Variants in SEMA5B observed in about 807,000 individuals in gnomAD.
SEMA5B encodes the protein semaphorin-5B.
SEMA5B carries 66 observed loss-of-function variants against 135.0 expected under a neutral mutation model. That is an observed-to-expected ratio of 0.49 (90% CI 0.40 to 0.60). SEMA5B has a LOEUF of 0.60. SEMA5B is among the 20% of genes least tolerant of loss of function. The pLI is 0.00. For synonymous variants in SEMA5B, 690 were observed against 639.5 expected (o/e 1.08, Z -1.19); for missense variants, 1,501 against 1,566.3 (o/e 0.96, Z 0.70).
At chr3:122,910,541 G>A (rs1489202170) in intron 22 of SEMA5B, among the ~76,000 whole-genome samples, 1 of 152,126 alleles carries the variant, frequency 6.6e-6, no homozygotes, top group East Asian at 1.9e-4. Flanking sequence ...CGGGCGCGGT[G>A]GCTCACGCCT....
At chr3:122,979,349 C>T (rs1941444759) in intron 1 of SEMA5B, among the ~76,000 whole-genome samples, 1 of 152,206 alleles carries the variant, frequency 6.6e-6, no homozygotes, top group African/African-American at 2.4e-5. Context: ...GACTGCAGAG[C>T]TGGCCAAGCA....
chr3:122,949,613 C>A (rs1576359294), intron 2 of SEMA5B, among the ~76,000 whole-genome samples: 1 of 152,298 alleles, frequency 6.6e-6, no homozygotes, highest in East Asian at 1.9e-4. Flanking sequence ...AACAAATTAG[C>A]CACATTATAA....
chr3:122,989,276 G>A (rs538496242), intron 1 of SEMA5B, among the ~76,000 whole-genome samples: 18 of 152,314 alleles, frequency 1.2e-4, no homozygotes, highest in South Asian at 2.1e-4. Flanking sequence ...CCCAGCAGCC[G>A]CACAGAGGCT....
At chr3:122,995,885 T>C (rs1280998072) in intron 1 of SEMA5B, among the ~76,000 whole-genome samples, 1 of 152,226 alleles carries the variant, frequency 6.6e-6, no homozygotes, top group Non-Finnish European at 1.5e-5. Flanking sequence ...TCAAGTGACA[T>C]CTTACCTAAA....
At chr3:122,951,704 C>T (rs1323440039) in intron 2 of SEMA5B, among the ~76,000 whole-genome samples, 17 of 152,238 alleles carry the variant, frequency 1.1e-4, no homozygotes. Flanking sequence ...TCAGAATCAT[C>T]CCCCTGAGGG....
At chr3:122,935,062 G>C (rs566914004) in intron 5 of SEMA5B, among the ~76,000 whole-genome samples, 1 of 152,210 alleles carries the variant, frequency 6.6e-6, no homozygotes, top group South Asian at 2.1e-4. Context: ...AATTCTCTTT[G>C]CTTTTGTGTG....
At chr3:122,920,036 A>G (rs533276691) in intron 12 of SEMA5B, among the ~76,000 whole-genome samples, 10 of 152,298 alleles carry the variant, frequency 6.6e-5, no homozygotes, top group Admixed American at 5.9e-4. Flanking sequence ...GATCTGGCTT[A>G]GAGCCATACT....
At chr3:122,984,144 CCTT>C (rs992750969) in intron 1 of SEMA5B, among the ~76,000 whole-genome samples, 13 of 152,220 alleles carry the variant, frequency 8.5e-5, no homozygotes, top group Non-Finnish European at 1.8e-4. Flanking sequence ...CTTCTCTTCT[CCTT>C]CACTGTCTCC....
In SEMA5B at chr3:122,923,520, T is replaced by C. The variant is rs973487890; in HGVS notation, c.1272+97A>G. On this transcript the variant is annotated intron_variant, in intron 10 of 22. Transcript: ENST00000357599. The stretch of plus-strand genomic sequence containing the variant: ...CATGGACTGGCAGGGACGGGTCTGG[T>C]GTCTGTCTGTGCTAAGCAGTTGGGA... The C allele has an allele frequency of 1.7e-5, 23 of 1,375,732 alleles. No homozygotes were observed. The African/African-American group carries it at 3.0e-4, about 18-fold the overall frequency. The allele number at this position is 1,375,732 out of a possible 1,614,324, so 85.2% of individuals were successfully genotyped here. A position where few individuals can be genotyped will look rare whatever the true frequency, so the allele number is the denominator to read the frequency against.
chr3:122,926,436 G>C lies in SEMA5B; in HGVS notation c.1092C>G (p.His364Gln), dbSNP rs2107651137. The C allele has an allele frequency of 6.2e-7, 1 of 1,614,212 alleles. No homozygotes were observed. Among genetic ancestry groups the C allele is most frequent in the Non-Finnish European group, 8.5e-7 (1 of 1,180,036 alleles). Residue 364 changes from histidine to glutamine, a missense_variant, in exon 9 of 23, where the codon CAC (histidine) becomes CAG (glutamine). His to Gln is a conservative substitution (Grantham distance 24). Coordinates refer to ENST00000357599, the MANE Select transcript of SEMA5B (RefSeq NM_001031702.4). ...CATAGATGAGGTCCTGCTCCGGCAA[G>C]TGGAAGGCACTCTGCAGCTCGTTAT... ...FYYNELQSAF[H>Q]LPEQDLIYGV...
chr3:122,942,432 C>T (rs1352213980), intron 4 of SEMA5B, among the ~76,000 whole-genome samples: 1 of 152,214 alleles, frequency 6.6e-6, no homozygotes, highest in East Asian at 1.9e-4. Flanking sequence ...CTCTCCCCAA[C>T]CCCACACCCA....
At chr3:123,011,134 T>G (rs986247970) in intron 1 of SEMA5B, among the ~76,000 whole-genome samples, 3 of 152,084 alleles carry the variant, frequency 2.0e-5, no homozygotes, top group African/African-American at 7.2e-5. Context: ...CCCCCAAAGC[T>G]GCCATCTCAC....
At chr3:123,010,303 C>T (rs1942409345) in intron 1 of SEMA5B, among the ~76,000 whole-genome samples, 1 of 152,178 alleles carries the variant, frequency 6.6e-6, no homozygotes, top group South Asian at 2.1e-4. Flanking sequence ...GATGTATGAC[C>T]TTGGTCATAC....
Position 122,911,956 on chromosome 3 carries a change from T to G in SEMA5B, c.3010A>C (p.Ser1004Arg). 1 of 1,609,878 alleles carries G rather than the reference T, an allele frequency of 6.2e-7. No homozygotes were observed. The highest frequency in any genetic ancestry group is 8.5e-7 in the Non-Finnish European group (1 of 1,177,114). ...PGSSACAGNS[S>R]QSRPCPYSEI... The stretch of plus-strand genomic sequence containing the variant: ...CTGTAGGGGCAGGGGCGGCTCTGGC[T>G]GCTGTTTCCAGCACAGGCGCTGGAC... Residue 1004 changes from serine (S) to arginine (R), a missense_variant, in exon 20 of 23, where the codon AGC (serine) becomes CGC (arginine). Coordinates refer to ENST00000357599, the MANE Select transcript of SEMA5B (RefSeq NM_001031702.4).
At chr3:122,990,494 A>G (rs1215102995) in intron 1 of SEMA5B, among the ~76,000 whole-genome samples, 1 of 152,098 alleles carries the variant, frequency 6.6e-6, no homozygotes, top group Non-Finnish European at 1.5e-5. Flanking sequence ...ACCAGGTGTA[A>G]CTTTGCCTGC....
chr3:122,991,210 C>T (rs1941866460), intron 1 of SEMA5B, among the ~76,000 whole-genome samples: 1 of 152,178 alleles, frequency 6.6e-6, no homozygotes, highest in African/African-American at 2.4e-5. Flanking sequence ...AGTGATTCTC[C>T]AGTCAGGATT....
intron 14 of SEMA5B, 26 bp downstream of exon 14, chr3:122,915,414 A>G (rs779191012): frequency 1.1e-5 from 17 of 1,577,938 alleles, no homozygotes; most frequent in Admixed American, 1.8e-5. Context: ...CAAGGCAGAC[A>G]CCATGTAAAC....
At chr3:123,023,206 T>G (rs1014192463) in intron 1 of SEMA5B, among the ~76,000 whole-genome samples, 22 of 152,218 alleles carry the variant, frequency 1.4e-4, no homozygotes, top group Admixed American at 1.2e-3. Context: ...GCCATACATT[T>G]AAGACCAAGT....
At chr3:122,920,784 C>A (rs923032716) in intron 12 of SEMA5B, among the ~76,000 whole-genome samples, 5 of 152,326 alleles carry the variant, frequency 3.3e-5, no homozygotes, top group Non-Finnish European at 7.3e-5. Flanking sequence ...TCTCTCCCCA[C>A]ATGTCTGATA....
Sources: gnomAD v4.1 joint callset for allele counts (sites outside exome capture counted in the v4.1 genomes callset) on GRCh38, gnomAD v4.1.1 for gene constraint, MANE v1.5 for transcripts, NCBI Gene and HGNC (gene_info 2026-07-23, HGNC 2026-07-21) for gene names.